Variants in TENM3 observed in about 807,000 individuals in gnomAD.
TENM3 encodes teneurin-3.
In TENM3, 63 loss-of-function variants were observed where a neutral mutation model predicts 255.1. The observed-to-expected ratio is 0.25, with a 90% CI of 0.20 to 0.30. The LOEUF is 0.30. Among genes scored for constraint, TENM3 ranks in the 10% least tolerant of loss-of-function variants. TENM3 has a pLI of 1.00. For missense variants in TENM3, 2,929 were observed against 3,461.1 expected (o/e 0.85, Z 3.86); for synonymous variants, 1,306 against 1,322.3 (o/e 0.99, Z 0.27).
the TENM3 span, among the ~76,000 whole-genome samples, chr4:181,982,948 G>T: frequency 1.3e-5 from 2 of 152,100 alleles, no homozygotes; most frequent in Admixed American, 1.3e-4. Flanking sequence ...GGTCGATAGG[G>T]TTGAGGTGAT....
intron 1 of TENM3, among the ~76,000 whole-genome samples, chr4:182,273,383 G>C (rs1438327469): frequency 6.6e-6 from 1 of 152,182 alleles, no homozygotes; most frequent in Non-Finnish European, 1.5e-5. Context: ...TAAGCATTTT[G>C]CATTCTCCAA....
chr4:181,711,852 T>G, the TENM3 span, among the ~76,000 whole-genome samples: 1 of 152,066 alleles, frequency 6.6e-6, no homozygotes, highest in African/African-American at 2.4e-5. Context: ...GCAGGATGGG[T>G]GGGTAATGAA....
At chr4:181,891,439 T>C in the TENM3 span, among the ~76,000 whole-genome samples, 1 of 152,168 alleles carries the variant, frequency 6.6e-6, no homozygotes, top group Non-Finnish European at 1.5e-5. Context: ...CAGCTTTTGA[T>C]ACCGTGATTC....
chr4:181,598,061 A>G, the TENM3 span, among the ~76,000 whole-genome samples: 4 of 152,178 alleles, frequency 2.6e-5, no homozygotes, highest in South Asian at 8.3e-4. Context: ...GGGTATTAGT[A>G]GGACGTGGTC....
the TENM3 span, among the ~76,000 whole-genome samples, chr4:181,764,202 T>G: frequency 7.9e-5 from 12 of 152,010 alleles, no homozygotes; most frequent in African/African-American, 2.9e-4. Context: ...ATTCACAAAT[T>G]TTAAATGTCC....
At chr4:182,451,199 A>G (rs1773426686) in intron 3 of TENM3, among the ~76,000 whole-genome samples, 1 of 152,212 alleles carries the variant, frequency 6.6e-6, no homozygotes, top group African/African-American at 2.4e-5. Context: ...CAGATTTTTA[A>G]TTACCAAATA....
chr4:182,153,986 G>A (rs1205884258), intron 1 of TENM3, among the ~76,000 whole-genome samples: 2 of 152,030 alleles, frequency 1.3e-5, no homozygotes, highest in African/African-American at 4.8e-5. Context: ...TGTTACTAAT[G>A]TAAGCCTCGT....
At chr4:181,489,489 TTA>T in the TENM3 span, among the ~76,000 whole-genome samples, 1 of 152,200 alleles carries the variant, frequency 6.6e-6, no homozygotes, top group Non-Finnish European at 1.5e-5. Flanking sequence ...AGTAATTTAT[TTA>T]TAGCCATATT....
intron 4 of TENM3, among the ~76,000 whole-genome samples, chr4:182,607,140 A>G (rs1469640588): frequency 1.3e-5 from 2 of 152,246 alleles, no homozygotes; most frequent in African/African-American, 2.4e-5. Context: ...TGTTCCGTAA[A>G]TGTTTTTAAA....
At chr4:181,610,046 T>C in the TENM3 span, among the ~76,000 whole-genome samples, 1 of 152,218 alleles carries the variant, frequency 6.6e-6, no homozygotes, top group East Asian at 1.9e-4. Context: ...AGAAGATATA[T>C]TGTTACAGAG....
the TENM3 span, among the ~76,000 whole-genome samples, chr4:181,457,720 GA>G: frequency 0.58 from 88,511 of 151,316 alleles, 26,635 homozygotes; most frequent in African/African-American, 0.72. Context: ...CAATTACAAA[GA>G]AAAAAATCAA....
intron 5 of TENM3, among the ~76,000 whole-genome samples, chr4:182,644,361 A>G (rs1752560226): frequency 1.3e-5 from 2 of 152,210 alleles, no homozygotes; most frequent in African/African-American, 2.4e-5. Context: ...GGAGCTAAAA[A>G]TGGCACTGAA....
At chr4:182,184,747 T>C (rs542654457) in intron 1 of TENM3, among the ~76,000 whole-genome samples, 1 of 152,258 alleles carries the variant, frequency 6.6e-6, no homozygotes, top group African/African-American at 2.4e-5. Context: ...AAGATTAGTC[T>C]TTTTTCTTTC....
At chr4:182,241,886 T>TAAA (rs1380226875), upstream of TENM3, among the ~76,000 whole-genome samples, 27 of 152,232 alleles carry the variant, frequency 1.8e-4, no homozygotes, top group African/African-American at 5.5e-4. Context: ...TCCACTGAAA[T>TAAA]GACTCTCCGT....
the TENM3 span, among the ~76,000 whole-genome samples, chr4:182,103,297 G>C: frequency 6.6e-6 from 1 of 152,196 alleles, no homozygotes; most frequent in African/African-American, 2.4e-5. Flanking sequence ...GAAGGCACTA[G>C]ATAAATATTT....
intron 3 of TENM3, among the ~76,000 whole-genome samples, chr4:182,435,309 C>A (rs1771966104): frequency 6.6e-6 from 1 of 152,152 alleles, no homozygotes; most frequent in South Asian, 2.1e-4. Flanking sequence ...TATTACATGA[C>A]TTCTTCTATC....
intron 7 of TENM3, among the ~76,000 whole-genome samples, chr4:182,679,448 A>C (rs1755936113): frequency 6.6e-6 from 1 of 152,164 alleles, no homozygotes; most frequent in Non-Finnish European, 1.5e-5. Flanking sequence ...AGGGAAAAAA[A>C]TGGTCCCTGA....
At chr4:182,196,334 G>A (rs6552547) in intron 1 of TENM3, among the ~76,000 whole-genome samples, 25,940 of 152,020 alleles carry the variant, frequency 0.17, 2,782 homozygotes, top group East Asian at 0.41. Flanking sequence ...GATGTGTAGC[G>A]TGTCTAGATT....
chr4:181,842,657 C>T, the TENM3 span, among the ~76,000 whole-genome samples: 2 of 152,192 alleles, frequency 1.3e-5, no homozygotes, highest in African/African-American at 2.4e-5. Flanking sequence ...TGAGCATAAT[C>T]ACAATTGTTT....
Sources: allele counts gnomAD v4.1 joint callset (sites outside exome capture counted in the v4.1 genomes callset), GRCh38; gene constraint gnomAD v4.1.1; transcripts MANE v1.5; gene names NCBI Gene and HGNC (gene_info 2026-07-23, HGNC 2026-07-21).